The following AOPEP variants were observed in gnomAD, a reference collection of about 807,000 sequenced individuals.
AOPEP encodes the protein aminopeptidase O.
A neutral mutation model predicts 98.1 loss-of-function variants in AOPEP; 77 were observed. The observed-to-expected ratio is 0.78, with a 90% CI of 0.65 to 0.95. The LOEUF (loss-of-function observed/expected upper bound fraction) is 0.95. Among genes scored for constraint, AOPEP ranks in the 40% least tolerant of loss-of-function variants. AOPEP has a pLI of 0.00. For synonymous variants in AOPEP, 346 were observed against 365.3 expected (o/e 0.95, Z 0.60); for missense variants, 1,024 against 1,024.7 (o/e 1.00, Z 0.01).
intron 13 of AOPEP, among the ~76,000 whole-genome samples, chr9:95,028,559 G>C (rs1469342382): frequency 1.3e-5 from 2 of 152,226 alleles, no homozygotes; most frequent in Non-Finnish European, 2.9e-5. Context: ...TGAGTCTGAA[G>C]GGTAAATCTG....
chr9:94,912,553 G>A (rs997246738), intron 5 of AOPEP, among the ~76,000 whole-genome samples: 6 of 152,188 alleles, frequency 3.9e-5, no homozygotes, highest in Admixed American at 1.3e-4. Context: ...GCTACACTAC[G>A]GTGCCATGGC....
chr9:94,955,392 TCTGA>T lies in AOPEP; in HGVS notation c.1764+117_1764+120del, dbSNP rs1310631492. 7 of 665,864 alleles carry T rather than the reference TCTGA, an allele frequency of 1.1e-5. No individual in the cohort carries two copies. The African/African-American group carries it at 1.3e-4, about 12-fold the overall frequency. The allele number at this position is 665,864 out of a possible 1,614,324, so 41.2% of individuals were successfully genotyped here. On this transcript the variant is annotated intron_variant, in intron 8 of 16. Transcript: ENST00000375315. ...CTGAGGTGAAAATACTGTAATGATA[TCTGA>T]CTGGCCAGATATCTGAGCGTTCAGT...
chr9:94,849,381 A>G (rs1275423356), intron 5 of AOPEP, among the ~76,000 whole-genome samples: 1 of 152,200 alleles, frequency 6.6e-6, no homozygotes, highest in East Asian at 1.9e-4. Flanking sequence ...ATAAATATTC[A>G]TAGTAAATTG....
intron 1 of AOPEP, among the ~76,000 whole-genome samples, chr9:94,749,092 CCCTT>C (rs1168196334): frequency 6.6e-6 from 1 of 152,132 alleles, no homozygotes; most frequent in African/African-American, 2.4e-5. Context: ...TGTAGTCTCT[CCCTT>C]CATGATTATT....
At chr9:95,119,838 A>G in the AOPEP span, among the ~76,000 whole-genome samples, 1 of 152,224 alleles carries the variant, frequency 6.6e-6, no homozygotes, top group East Asian at 1.9e-4. Context: ...CAGCCTCCCG[A>G]GTAGCTAGGA....
At chr9:94,778,481 A>G (rs959135979) in intron 3 of AOPEP, among the ~76,000 whole-genome samples, 8 of 152,100 alleles carry the variant, frequency 5.3e-5, no homozygotes, top group African/African-American at 1.9e-4. Flanking sequence ...CTGCAACAAT[A>G]TGGATGAATC....
At chr9:94,847,744 TGTTA>T (rs1299282511) in intron 5 of AOPEP, among the ~76,000 whole-genome samples, 1 of 152,220 alleles carries the variant, frequency 6.6e-6, no homozygotes, top group African/African-American at 2.4e-5. Flanking sequence ...ACAACAATCC[TGTTA>T]GTTACTCTTA....
chr9:95,126,659 G>A, the AOPEP span: 1 of 1,449,694 alleles, frequency 6.9e-7, no homozygotes. Flanking sequence ...AGCCAAAGGA[G>A]TTACTGGGAA....
At chr9:95,005,879 T>C in intron 13 of AOPEP, 1 of 559,272 alleles carries the variant, frequency 1.8e-6, no homozygotes, top group Non-Finnish European at 3.3e-6. Context: ...GTGGGTTCCA[T>C]TATTATTTTA....
chr9:95,135,483 TG>T, the AOPEP span: 1 of 1,613,870 alleles, frequency 6.2e-7, no homozygotes. Flanking sequence ...ACAGCTGACA[TG>T]GGGAGAGAAA....
chr9:94,795,315 C>T (rs955938775), intron 4 of AOPEP, among the ~76,000 whole-genome samples: 2 of 152,024 alleles, frequency 1.3e-5, no homozygotes, highest in Admixed American at 6.6e-5. Flanking sequence ...ATGATTTGAG[C>T]CACCATTATT....
At chr9:94,994,620 C>T (rs1191438642) in intron 11 of AOPEP, among the ~76,000 whole-genome samples, 1 of 152,160 alleles carries the variant, frequency 6.6e-6, no homozygotes, top group Non-Finnish European at 1.5e-5. Flanking sequence ...GCATCTAGCA[C>T]CTGACCATGG....
At chr9:95,081,011 A>G in intron 15 of AOPEP, 1 of 530,612 alleles carries the variant, frequency 1.9e-6, no homozygotes, top group South Asian at 2.3e-5. Flanking sequence ...TGTGGCCCAC[A>G]CGTCATCCGA....
At chr9:94,834,793 AATGC>A (rs35018311) in intron 5 of AOPEP, among the ~76,000 whole-genome samples, 112,677 of 149,734 alleles carry the variant, frequency 0.75, 43,955 homozygotes, top group Non-Finnish European at 0.85. Context: ...ACTGTCTCTA[AATGC>A]ATGCATGCAT....
chr9:94,962,680 A>T (rs1242949007), intron 9 of AOPEP, among the ~76,000 whole-genome samples: 1 of 150,666 alleles, frequency 6.6e-6, no homozygotes, highest in Non-Finnish European at 1.5e-5. Flanking sequence ...TTACATCTTA[A>T]TCCTTTCCCT....
chr9:95,102,946 G>A, the AOPEP span, among the ~76,000 whole-genome samples: 1 of 152,328 alleles, frequency 6.6e-6, no homozygotes, highest in South Asian at 2.1e-4. Context: ...CAGCACGGGG[G>A]CTCCGGCTGT....
chr9:94,961,065 A>AACTG (rs1722749307), intron 9 of AOPEP, among the ~76,000 whole-genome samples: 1 of 151,930 alleles, frequency 6.6e-6, no homozygotes, highest in South Asian at 2.1e-4. Context: ...TTGAATTATA[A>AACTG]ACTGACTGGA....
chr9:94,938,691 G>A (rs1213909148), intron 7 of AOPEP, among the ~76,000 whole-genome samples: 1 of 152,230 alleles, frequency 6.6e-6, no homozygotes, highest in East Asian at 1.9e-4. Context: ...AAGTCATGGA[G>A]CTCCTCGGAT....
Position 94,942,602 on chromosome 9 carries a change from G to A in AOPEP, c.1662-12575G>A, listed in dbSNP as rs79932043. Among the ~76,000 whole-genome samples the A allele has an allele frequency of 8.6e-3, 1,302 of 152,180 alleles. 20 individuals are homozygous for A. Among genetic ancestry groups the A allele is most frequent in the African/African-American group, 0.03 (1,237 of 41,498 alleles). On this transcript the variant is annotated intron_variant, in intron 7 of 16. Transcript: ENST00000375315. ...GTTAGGCAAAAAAGTGAACTACAAG[G>A]CATCCAGATTGGAAAGGAAGAAGTA...
Sources: allele counts gnomAD v4.1 joint callset (sites outside exome capture counted in the v4.1 genomes callset), GRCh38; gene constraint gnomAD v4.1.1; transcripts MANE v1.5; gene names NCBI Gene and HGNC (gene_info 2026-07-23, HGNC 2026-07-21).